Variants in CHN2 observed in about 807,000 individuals in gnomAD.
CHN2 encodes the protein beta-chimaerin.
In CHN2, 35 loss-of-function variants were observed where a neutral mutation model predicts 56.3. The ratio of observed to expected loss-of-function variants is 0.62; its 90% CI spans 0.47 to 0.82. The LOEUF (loss-of-function observed/expected upper bound fraction) is 0.82. Among genes scored for constraint, CHN2 ranks in the 40% least tolerant of loss-of-function variants. The pLI is 0.00. For synonymous variants in CHN2, 210 were observed against 212.8 expected, an observed-to-expected ratio of 0.99 and a Z score of 0.12; for missense variants, 491 against 580.5, an observed-to-expected ratio of 0.85 and a Z score of 1.58.
intron 1 of CHN2, among the ~76,000 whole-genome samples, chr7:29,343,076 G>A (rs1797165348): frequency 6.6e-6 from 1 of 152,188 alleles, no homozygotes; most frequent in African/African-American, 2.4e-5. Flanking sequence ...TTCCTTTGAT[G>A]AAAATAATTT....
chr7:29,438,254 A>G (rs1291695536), intron 6 of CHN2, among the ~76,000 whole-genome samples: 1 of 152,234 alleles, frequency 6.6e-6, no homozygotes, highest in Non-Finnish European at 1.5e-5. Flanking sequence ...TTTTTTACCT[A>G]TTGAAATAAA....
chr7:29,342,014 T>A (rs138764961), intron 1 of CHN2, among the ~76,000 whole-genome samples: 40 of 152,368 alleles, frequency 2.6e-4, no homozygotes, highest in African/African-American at 9.4e-4. Context: ...CTGAACTTTG[T>A]CTTTCAGAAC....
chr7:29,458,414 CA>C (rs1562623265), intron 6 of CHN2, among the ~76,000 whole-genome samples: 36 of 143,068 alleles, frequency 2.5e-4, no homozygotes, highest in East Asian at 1.9e-3. Context: ...CACACACACA[CA>C]CACCCCATGC....
In CHN2 at chr7:29,510,863, C is replaced by CGTGA. The variant is rs1449624656; in HGVS notation, c.1235+1461_1235+1464dup. Reference sequence around the variant, plus strand: ...TACCTGCCACACACACAGCTGTCTGCGTGAGTGTGTGGGAGACAGAGATGG... The same window carrying CGTGA: ...TACCTGCCACACACACAGCTGTCTGCGTGAGTGAGTGTGTGGGAGACAGAGATGG... On this transcript the variant is annotated intron_variant, in intron 12 of 12. Transcript: ENST00000222792. Among the ~76,000 whole-genome samples, 3 of 152,246 alleles carry CGTGA rather than the reference C, an allele frequency of 2.0e-5. No individual in the cohort carries two copies. The East Asian group carries it at 5.8e-4, about 29-fold the overall frequency.
At position 29,332,528 on chromosome 7, in the gene CHN2, C is replaced by T. The variant is rs542028864; in HGVS notation, c.50-22097C>T. Among the ~76,000 whole-genome samples, 7 of 152,246 alleles carry T rather than the reference C, an allele frequency of 4.6e-5. No homozygotes were observed. In the East Asian group the frequency reaches 9.7e-4, roughly 21 times the overall value. ...GGTGATACGGCCTAAAATGCTCTCTCGCAATGCTGGGCAGTGGCAGTAAGC... is the reference window on the plus strand; with the variant it reads ...GGTGATACGGCCTAAAATGCTCTCTTGCAATGCTGGGCAGTGGCAGTAAGC... On this transcript the variant is annotated intron_variant, in intron 1 of 12. Transcript: ENST00000222792.
At chr7:29,488,657 C>G (rs1338395257) in intron 7 of CHN2, among the ~76,000 whole-genome samples, 1 of 152,180 alleles carries the variant, frequency 6.6e-6, no homozygotes, top group Non-Finnish European at 1.5e-5. Flanking sequence ...ATCTATACCA[C>G]TGCTTCTCAA....
chr7:29,356,674 G>A (rs572492950), intron 2 of CHN2, among the ~76,000 whole-genome samples: 10 of 152,204 alleles, frequency 6.6e-5, no homozygotes, highest in African/African-American at 1.4e-4. Context: ...CTTGTTCTTC[G>A]TTACATAAGT....
At chr7:29,228,928 T>C (rs368281578) in intron 1 of CHN2, among the ~76,000 whole-genome samples, 21 of 152,232 alleles carry the variant, frequency 1.4e-4, no homozygotes, top group African/African-American at 4.6e-4. Flanking sequence ...TTCTTCCTTT[T>C]GCTCCCGCTC....
chr7:29,156,462 A>G (rs1425642493), intron 2 of CHN2, among the ~76,000 whole-genome samples: 1 of 152,212 alleles, frequency 6.6e-6, no homozygotes, highest in Non-Finnish European at 1.5e-5. Context: ...TCTGAGGAAA[A>G]AAAAGTTAAA....
chr7:29,166,088 T>G (rs1795875581), intron 2 of CHN2, among the ~76,000 whole-genome samples: 1 of 152,162 alleles, frequency 6.6e-6, no homozygotes, highest in Admixed American at 6.6e-5. Flanking sequence ...TGGAGTGCAG[T>G]GGTGCAATAT....
intron 6 of CHN2, among the ~76,000 whole-genome samples, chr7:29,453,570 G>C (rs1784549946): frequency 6.6e-6 from 1 of 152,116 alleles, no homozygotes; most frequent in South Asian, 2.1e-4. Flanking sequence ...ATTTCAACCT[G>C]ATAATTCAGG....
chr7:29,246,035 G>C (rs953654941), intron 1 of CHN2, among the ~76,000 whole-genome samples: 2 of 152,154 alleles, frequency 1.3e-5, no homozygotes, highest in Non-Finnish European at 2.9e-5. Context: ...CTAATAAAAT[G>C]TGACGAGGGA....
At chr7:29,341,292 A>G (rs547043211) in intron 1 of CHN2, among the ~76,000 whole-genome samples, 8 of 152,308 alleles carry the variant, frequency 5.3e-5, no homozygotes, top group African/African-American at 1.9e-4. Context: ...TTCAGCCTGT[A>G]AGACAAACAA....
At chr7:29,390,361 C>T (rs1801267755) in intron 3 of CHN2, among the ~76,000 whole-genome samples, 1 of 152,218 alleles carries the variant, frequency 6.6e-6, no homozygotes, top group South Asian at 2.1e-4. Context: ...GCCGATCCGA[C>T]AGCCGTCAGT....
intron 1 of CHN2, among the ~76,000 whole-genome samples, chr7:29,293,582 A>G (rs977696734): frequency 2.6e-5 from 4 of 152,012 alleles, no homozygotes; most frequent in African/African-American, 9.7e-5. Flanking sequence ...CCAGACACAC[A>G]GGCCTCCTTG....
chr7:29,263,230 G>T (rs1028600111), intron 1 of CHN2, among the ~76,000 whole-genome samples: 3 of 152,208 alleles, frequency 2.0e-5, no homozygotes, highest in Admixed American at 2.0e-4. Context: ...GGGTTTCGCC[G>T]TGTTGGCCGG....
chr7:29,348,541 G>C (rs989314521), intron 1 of CHN2, among the ~76,000 whole-genome samples: 1 of 152,110 alleles, frequency 6.6e-6, no homozygotes, highest in Middle Eastern at 3.2e-3. Flanking sequence ...AGCCTGCTTA[G>C]AATTACTCGT....
At chr7:29,447,887 A>G (rs994422856) in intron 6 of CHN2, among the ~76,000 whole-genome samples, 3 of 152,226 alleles carry the variant, frequency 2.0e-5, no homozygotes, top group East Asian at 3.8e-4. Flanking sequence ...CTGGGTGCAT[A>G]TTAGAATCAC....
intron 3 of CHN2, among the ~76,000 whole-genome samples, chr7:29,383,149 A>G (rs1562564225): frequency 6.6e-6 from 1 of 152,208 alleles, no homozygotes; most frequent in Non-Finnish European, 1.5e-5. Context: ...GCCCTTATAT[A>G]GTTTCCATTT....
Sources: gnomAD v4.1 joint callset for allele counts (sites outside exome capture counted in the v4.1 genomes callset) on GRCh38, gnomAD v4.1.1 for gene constraint, MANE v1.5 for transcripts, NCBI Gene and HGNC (gene_info 2026-07-23, HGNC 2026-07-21) for gene names.